Variants in SEPSECS observed in about 807,000 individuals in gnomAD.
The protein encoded by SEPSECS is Sep (O-phosphoserine) tRNA:Sec (selenocysteine) tRNA synthase.
SEPSECS carries 42 observed loss-of-function variants against 52.1 expected under a neutral mutation model. The observed-to-expected ratio is 0.81, with a 90% CI of 0.63 to 1.04. The LOEUF is 1.04. SEPSECS is among the 50% of genes least tolerant of loss of function. The probability of loss-of-function intolerance (pLI) is 0.00; values close to 1 mark genes in which losing one functional copy is unlikely to be tolerated. For synonymous variants in SEPSECS, 216 were observed against 211.4 expected (o/e 1.02, Z -0.19); for missense variants, 590 against 610.6 (o/e 0.97, Z 0.36).
At chr4:25,152,186 C>A in intron 5 of SEPSECS, 124 bp from the exon 6 acceptor site, 1 of 642,164 alleles carries the variant, frequency 1.6e-6, no homozygotes, top group Admixed American at 2.7e-5. Flanking sequence ...AAACGACAAA[C>A]ACTGAAATTT....
intron 8 of SEPSECS, among the ~76,000 whole-genome samples, chr4:25,136,891 A>G (rs534529900): frequency 1.2e-4 from 18 of 152,308 alleles, no homozygotes; most frequent in Admixed American, 2.6e-4. Flanking sequence ...AACAGAATAG[A>G]TAACTCAGAA....
rs778906671 is a variant in SEPSECS at position 25,156,100 on chromosome 4, C to A, written c.484G>T (p.Ala162Ser). The A allele has an allele frequency of 6.2e-7, 1 of 1,613,914 alleles. No homozygotes were observed. Among genetic ancestry groups the A allele is most frequent in the Non-Finnish European group, 8.5e-7 (1 of 1,179,892 alleles). The change falls in exon 4 of 11, where the codon GCA becomes TCA. Residue 162 changes from alanine to serine, a missense_variant. Coordinates refer to ENST00000382103, the MANE Select transcript of SEPSECS (RefSeq NM_016955.4). Reference protein sequence around the residue: ...FLTLRHKRPKAKYIIWPRIDQ... With the variant: ...FLTLRHKRPKSKYIIWPRIDQ... ...ATTCGTGGCCATATAATATACTTTGCCTTTGGTCTTTTGTGTCGTAATGTT... is the reference window on the plus strand; with the variant it reads ...ATTCGTGGCCATATAATATACTTTGACTTTGGTCTTTTGTGTCGTAATGTT...
intron 10 of SEPSECS, 50 bp downstream of exon 10, chr4:25,125,644 G>A (rs762094402): frequency 8.3e-7 from 1 of 1,202,922 alleles, no homozygotes; most frequent in Non-Finnish European, 1.2e-6. Flanking sequence ...TTTTACTGGA[G>A]TTAAGTTTGA....
intron 8 of SEPSECS, among the ~76,000 whole-genome samples, chr4:25,142,406 A>C (rs888393544): frequency 2.6e-5 from 4 of 152,196 alleles, no homozygotes; most frequent in African/African-American, 7.2e-5. Context: ...TTCACCTTCA[A>C]GCAAACTTTG....
At chr4:25,158,395 A>G (rs1712819006) in intron 2 of SEPSECS, among the ~76,000 whole-genome samples, 1 of 152,208 alleles carries the variant, frequency 6.6e-6, no homozygotes, top group Non-Finnish European at 1.5e-5. Flanking sequence ...CTACCAATTA[A>G]CTACCAATTA....
intron 8 of SEPSECS, among the ~76,000 whole-genome samples, chr4:25,130,012 C>T (rs1469560162): frequency 6.6e-6 from 1 of 152,176 alleles, no homozygotes; most frequent in Non-Finnish European, 1.5e-5. Flanking sequence ...TCATCAACCT[C>T]CCATAGGCAG....
chr4:25,134,022 G>A (rs568939767), intron 8 of SEPSECS, among the ~76,000 whole-genome samples: 1 of 150,474 alleles, frequency 6.6e-6, no homozygotes, highest in East Asian at 2.0e-4. Flanking sequence ...TACTCAGGAG[G>A]CTGAGGTGGG....
At position 25,123,035 on chromosome 4, in the gene SEPSECS, A is replaced by T. The variant is rs1407099386; in HGVS notation, c.*896T>A. 5 of 152,168 alleles carry T rather than the reference A, an allele frequency of 3.3e-5. No individual in the cohort carries two copies. Among genetic ancestry groups the T allele is most frequent in the Non-Finnish European group, 7.3e-5 (5 of 68,028 alleles). The allele number at this position is 152,168 out of a possible 1,614,324, so 9.4% of individuals were successfully genotyped here. On this transcript the variant is annotated 3_prime_UTR_variant, in exon 11 of 11. Transcript: ENST00000382103. ...GGAATAATGTTTTCCCTTATCCAAA[A>T]GGAAAAATGCACCAGTGAGCACCAT...
chr4:25,150,858 T>C (rs1036503219), intron 6 of SEPSECS, among the ~76,000 whole-genome samples: 3 of 151,882 alleles, frequency 2.0e-5, no homozygotes, highest in Non-Finnish European at 4.4e-5. Context: ...ATACAAAAAG[T>C]TGGCTGGGTG....
Position 25,126,506 on chromosome 4 carries a change from CCTTA to C in SEPSECS, c.1121-726_1121-723del, listed in dbSNP as rs903346725. On this transcript the variant is annotated intron_variant, in intron 9 of 10. Transcript: ENST00000382103. Reference sequence around the variant, plus strand: ...GCTTCAGCTACAAATGATTCACCTTCCTTACTTTCTTCAGATATATGTGAAATAT... The same window carrying C: ...GCTTCAGCTACAAATGATTCACCTTCCTTTCTTCAGATATATGTGAAATAT... Among the ~76,000 whole-genome samples, 28 of 152,124 alleles carry C rather than the reference CCTTA, an allele frequency of 1.8e-4. 1 individual carries two copies. The highest frequency in any genetic ancestry group is 2.0e-4 in the Admixed American group (3 of 15,266).
At chr4:25,143,001 A>T (rs578220287) in intron 8 of SEPSECS, among the ~76,000 whole-genome samples, 124 of 152,362 alleles carry the variant, frequency 8.1e-4, no homozygotes, top group African/African-American at 2.9e-3. Flanking sequence ...CCACTGAAAC[A>T]ACTAAACTCT....
At chr4:25,125,391 G>A (rs1056113193) in intron 10 of SEPSECS, 1 of 305,938 alleles carries the variant, frequency 3.3e-6, no homozygotes, top group Non-Finnish European at 6.1e-6. Context: ...GTGACTTGCT[G>A]AAGATCATCT....
At chr4:25,144,720 T>G in intron 8 of SEPSECS, 54 bp downstream of exon 8, 1 of 1,260,886 alleles carries the variant, frequency 7.9e-7, no homozygotes, top group Non-Finnish European at 1.2e-6. Context: ...CACCAATGAT[T>G]TGGAGCACAG....
In SEPSECS at chr4:25,160,142, G is replaced by A. The variant is rs541545981; in HGVS notation, c.114+114C>T. On this transcript the variant is annotated intron_variant, in intron 1 of 10. Coordinates refer to ENST00000382103, the MANE Select transcript of SEPSECS (RefSeq NM_016955.4). ...GGGCAAGCCAAGCTGAGACAGACTT[G>A]GGACTAGTCTCAAGCAGCGAAGAGC... is the stretch of plus-strand genomic sequence containing the variant. 3.4e-4 allele frequency: 512 copies of A among 1,509,790 alleles called. 1 individual carries two copies. Among genetic ancestry groups the A allele is most frequent in the Non-Finnish European group, 4.2e-4 (472 of 1,124,380 alleles). The allele number at this position is 1,509,790 out of a possible 1,614,324, so 93.5% of individuals were successfully genotyped here.
intron 8 of SEPSECS, among the ~76,000 whole-genome samples, chr4:25,128,592 A>T (rs1423862903): frequency 6.6e-6 from 1 of 152,164 alleles, no homozygotes; most frequent in Non-Finnish European, 1.5e-5. Context: ...GTGGCAGTTT[A>T]ACAGTTACAG....
intron 8 of SEPSECS, 91 bp downstream of exon 8, chr4:25,144,683 C>CA: frequency 1.1e-6 from 1 of 890,496 alleles, no homozygotes; most frequent in Non-Finnish European, 1.9e-6. Flanking sequence ...GTCTCCCTCC[C>CA]AGTGCAAGAA....
chr4:25,160,422 G>C lies in SEPSECS; in HGVS notation c.-53C>G. On this transcript the variant is annotated 5_prime_UTR_variant, in exon 1 of 11. Coordinates refer to ENST00000382103, the MANE Select transcript of SEPSECS (RefSeq NM_016955.4). ...GCGGGAGCACTAGCTCCACACGCCA[G>C]ACACACGACGGAACCAGAATGCAAC... 1 of 1,431,618 alleles carries C rather than the reference G, an allele frequency of 7.0e-7. No individual in the cohort carries two copies. The highest frequency in any genetic ancestry group is 9.6e-7 in the Non-Finnish European group (1 of 1,045,486). The allele number at this position is 1,431,618 out of a possible 1,614,324, so 88.7% of individuals were successfully genotyped here. A position where few individuals can be genotyped will look rare whatever the true frequency, so the allele number is the denominator to read the frequency against.
chr4:25,136,842 G>A (rs1291522449), intron 8 of SEPSECS, among the ~76,000 whole-genome samples: 1 of 152,088 alleles, frequency 6.6e-6, no homozygotes, highest in Non-Finnish European at 1.5e-5. Context: ...AACCAAAACA[G>A]CATGGTACTG....
intron 8 of SEPSECS, among the ~76,000 whole-genome samples, chr4:25,144,125 G>C (rs1249760720): frequency 6.6e-6 from 1 of 152,046 alleles, no homozygotes; most frequent in African/African-American, 2.4e-5. Context: ...TGGATCACGA[G>C]GTCAGGAGTT....
Sources: gnomAD v4.1 joint callset for allele counts (sites outside exome capture counted in the v4.1 genomes callset) on GRCh38, gnomAD v4.1.1 for gene constraint, MANE v1.5 for transcripts, NCBI Gene and HGNC (gene_info 2026-07-23, HGNC 2026-07-21) for gene names.